The following SLC25A26 variants were observed in gnomAD, a reference collection of about 807,000 sequenced individuals.
SLC25A26 encodes solute carrier family 25 member 26, also known as mitochondrial S-adenosylmethionine carrier protein.
A neutral mutation model predicts 37.8 loss-of-function variants in SLC25A26; 36 were observed. The observed-to-expected ratio is 0.95, with a 90% CI of 0.73 to 1.26. SLC25A26 has a LOEUF of 1.26. Ranked by LOEUF, SLC25A26 falls within the 50% of genes most tolerant of loss-of-function variation. The pLI, the probability that SLC25A26 is intolerant of heterozygous loss-of-function variation, is 0.00. For missense variants in SLC25A26, 390 were observed against 331.1 expected (o/e 1.18, Z -1.38); for synonymous variants, 129 against 122.5 (o/e 1.05, Z -0.35).
At chr3:66,299,941 G>A (rs950184463) in intron 5 of SLC25A26, among the ~76,000 whole-genome samples, 6 of 152,156 alleles carry the variant, frequency 3.9e-5, no homozygotes, top group Non-Finnish European at 7.3e-5. Context: ...AAAAATAATA[G>A]TATTTAATAT....
chr3:66,246,488 A>G (rs1455946763), intron 3 of SLC25A26, among the ~76,000 whole-genome samples: 2 of 152,216 alleles, frequency 1.3e-5, no homozygotes, highest in Non-Finnish European at 2.9e-5. Context: ...TAGTATCTGT[A>G]ACTAATATTT....
intron 1 of SLC25A26, among the ~76,000 whole-genome samples, chr3:66,207,131 A>T (rs2071191751): frequency 6.6e-6 from 1 of 152,000 alleles, no homozygotes; most frequent in Non-Finnish European, 1.5e-5. Flanking sequence ...TTAGATGGAT[A>T]CAGGACCACA....
At chr3:66,276,950 A>T (rs2074170371) in intron 5 of SLC25A26, among the ~76,000 whole-genome samples, 1 of 132,070 alleles carries the variant, frequency 7.6e-6, no homozygotes. Flanking sequence ...GCTTCCTGGC[A>T]CTGTTTGAAA....
chr3:66,176,829 G>A (rs976758493), intron 1 of SLC25A26, among the ~76,000 whole-genome samples: 8 of 152,176 alleles, frequency 5.3e-5, no homozygotes, highest in Non-Finnish European at 8.8e-5. Flanking sequence ...ATTGGGGAAG[G>A]GGTGAAAGGT....
chr3:66,260,530 TG>T (rs1257669066), intron 3 of SLC25A26, among the ~76,000 whole-genome samples: 1 of 152,226 alleles, frequency 6.6e-6, no homozygotes, highest in African/African-American at 2.4e-5. Flanking sequence ...CCATACCCTT[TG>T]TTGTAATGCA....
chr3:66,239,403 G>A (rs1350850661), intron 2 of SLC25A26, among the ~76,000 whole-genome samples: 3 of 152,030 alleles, frequency 2.0e-5, no homozygotes, highest in Non-Finnish European at 4.4e-5. Context: ...CCAGAACAGG[G>A]CACTCTCATC....
intron 1 of SLC25A26, among the ~76,000 whole-genome samples, chr3:66,190,001 T>TTTCTTA (rs2070906364): frequency 6.6e-6 from 1 of 151,858 alleles, no homozygotes; most frequent in Admixed American, 6.6e-5. Context: ...TGATATGTGG[T>TTTCTTA]CTCCCTCAAA....
chr3:66,345,362 T>C (rs139718393), intron 5 of SLC25A26, among the ~76,000 whole-genome samples: 3 of 152,134 alleles, frequency 2.0e-5, no homozygotes, highest in South Asian at 4.1e-4. Context: ...TAGCTCTGTC[T>C]GCTTCCTCTT....
At chr3:66,269,657 T>C (rs2073885704) in intron 5 of SLC25A26, among the ~76,000 whole-genome samples, 1 of 152,222 alleles carries the variant, frequency 6.6e-6, no homozygotes, top group African/African-American at 2.4e-5. Flanking sequence ...CCAGAACTTC[T>C]GTTGCATCTT....
chr3:66,162,767 A>G (rs1317744341), intron 1 of SLC25A26, among the ~76,000 whole-genome samples: 1 of 152,256 alleles, frequency 6.6e-6, no homozygotes, highest in Non-Finnish European at 1.5e-5. Context: ...TCACTCATAC[A>G]GGGACATGAA....
intron 5 of SLC25A26, among the ~76,000 whole-genome samples, chr3:66,277,197 G>A (rs1330574839): frequency 1.3e-5 from 2 of 152,042 alleles, no homozygotes; most frequent in African/African-American, 2.4e-5. Context: ...GAGCAGTATT[G>A]TTCCATCTAT....
intron 1 of SLC25A26, among the ~76,000 whole-genome samples, chr3:66,229,094 G>C (rs1055655030): frequency 1.3e-5 from 2 of 152,182 alleles, no homozygotes; most frequent in East Asian, 3.8e-4. Flanking sequence ...GTATTTGCAT[G>C]TCAGTATTGG....
upstream of SLC25A26, chr3:66,220,966 T>A: frequency 1.0e-6 from 1 of 986,782 alleles, no homozygotes; most frequent in Admixed American, 2.1e-5. Context: ...GCAGTTGTTG[T>A]GGTTCTACGT....
chr3:66,298,406 C>A (rs2074972683), intron 5 of SLC25A26, among the ~76,000 whole-genome samples: 1 of 152,126 alleles, frequency 6.6e-6, no homozygotes, highest in Non-Finnish European at 1.5e-5. Context: ...GTGTCACTTT[C>A]AGCATATTTT....
intron 6 of SLC25A26, among the ~76,000 whole-genome samples, chr3:66,354,080 A>G (rs2076520829): frequency 6.6e-6 from 1 of 152,198 alleles, no homozygotes; most frequent in Non-Finnish European, 1.5e-5. Flanking sequence ...TTAACCATAC[A>G]GATCTTTTCT....
chr3:66,276,466 C>T (rs960362646), intron 5 of SLC25A26, among the ~76,000 whole-genome samples: 2 of 152,052 alleles, frequency 1.3e-5, no homozygotes, highest in African/African-American at 4.8e-5. Context: ...GAGTGGAGCA[C>T]AATTTCTGAG....
intron 5 of SLC25A26, among the ~76,000 whole-genome samples, chr3:66,269,645 C>T (rs1202384903): frequency 2.0e-5 from 3 of 152,142 alleles, no homozygotes; most frequent in Middle Eastern, 3.2e-3. Context: ...AAGCAACTAT[C>T]GCCAGAACTT....
chr3:66,175,678 C>T (rs956547080), intron 1 of SLC25A26, among the ~76,000 whole-genome samples: 8 of 152,202 alleles, frequency 5.3e-5, no homozygotes, highest in African/African-American at 1.9e-4. Flanking sequence ...GAAACACTGA[C>T]ATTTTCACTG....
In SLC25A26 at chr3:66,221,093, C is replaced by T. The variant is rs1553658140; in HGVS notation, c.-2C>T. ...TGTAGCCTTGACGAGGTCTGAGCGA[C>T]CATGGACCGGCCGGGGTTCGTGGCA... On this transcript the variant is annotated 5_prime_UTR_variant, in exon 1 of 10. Coordinates refer to ENST00000354883, the MANE Select transcript of SLC25A26 (RefSeq NM_001379210.1). The T allele has an allele frequency of 1.3e-6, 2 of 1,534,100 alleles. No homozygotes were observed. The highest frequency in any genetic ancestry group is 5.0e-5 in the East Asian group (2 of 40,402).
Sources: allele counts gnomAD v4.1 joint callset (sites outside exome capture counted in the v4.1 genomes callset), GRCh38; gene constraint gnomAD v4.1.1; transcripts MANE v1.5; gene names NCBI Gene and HGNC (gene_info 2026-07-23, HGNC 2026-07-21).